HHIP: variants seen among roughly 807,000 people sequenced by gnomAD.
HHIP encodes the protein hedgehog interacting protein.
A neutral mutation model predicts 74.0 loss-of-function variants in HHIP; 12 were observed. The observed-to-expected ratio is 0.16, with a 90% CI of 0.10 to 0.26. The LOEUF is 0.26. Ranked by LOEUF, HHIP falls within the 10% of genes least tolerant of loss-of-function variation. The pLI is 1.00. For synonymous variants in HHIP, 309 were observed against 311.6 expected (o/e 0.99, Z 0.09); for missense variants, 788 against 845.0 (o/e 0.93, Z 0.84).
At chr4:144,690,546 G>A (rs768649512) in intron 4 of HHIP, among the ~76,000 whole-genome samples, 3 of 152,172 alleles carry the variant, frequency 2.0e-5, no homozygotes, top group Non-Finnish European at 4.4e-5. Flanking sequence ...AAATGCAAAT[G>A]CATCAGGATA....
chr4:144,702,601 T>C (rs748894604), intron 4 of HHIP, among the ~76,000 whole-genome samples: 6 of 152,162 alleles, frequency 3.9e-5, no homozygotes, highest in Non-Finnish European at 7.3e-5. Context: ...TGATGTAGCA[T>C]TGAAGAGCTG....
At chr4:144,736,247 C>T (rs1194513349) in intron 12 of HHIP, among the ~76,000 whole-genome samples, 1 of 150,290 alleles carries the variant, frequency 6.7e-6, no homozygotes, top group Admixed American at 6.7e-5. Context: ...GTGATTCTCC[C>T]GCCTCAGCTT....
In HHIP at chr4:144,706,619, A is replaced by G. The variant is rs377548101; in HGVS notation, c.920A>G (p.Gln307Arg). ...GKLYVSYTTNQERWAIGPHDH... is the reference protein window; with the variant it reads ...GKLYVSYTTNRERWAIGPHDH... Reference sequence around the variant, plus strand: ...TTGTATGTGTCCTATACCACCAACCAAGAACGGTGGGCTATCGGGCCTCAT... The same window carrying G: ...TTGTATGTGTCCTATACCACCAACCGAGAACGGTGGGCTATCGGGCCTCAT... Residue 307 changes from glutamine (Q) to arginine (R), a missense_variant, in exon 5 of 13, where the codon CAA becomes CGA. By Grantham distance (43) the Gln-to-Arg change is conservative. Transcript: ENST00000296575. 1.2e-6 allele frequency: 2 copies of G among 1,613,714 alleles called. No individual in the cohort carries two copies. Among genetic ancestry groups the G allele is most frequent in the African/African-American group, 2.7e-5 (2 of 74,930 alleles).
At chr4:144,647,116 C>T (rs1728288744) in intron 1 of HHIP, 162 bp downstream of exon 1, 11 of 595,146 alleles carry the variant, frequency 1.8e-5, no homozygotes, top group Non-Finnish European at 3.1e-5. Flanking sequence ...TTGTGTGTTC[C>T]TCTGGGGTAA....
chr4:144,706,755 A>G (rs761407581), intron 5 of HHIP, 73 bp downstream of exon 5: 212 of 1,416,832 alleles, frequency 1.5e-4, no homozygotes, highest in Non-Finnish European at 1.8e-4. Flanking sequence ...AAGTTTTTTT[A>G]TTTAGAAGTT....
At position 144,743,021 on chromosome 4, in the gene HHIP, TA is replaced by T. The variant is rs1195930043; in HGVS notation, c.*5066del. The T allele has an allele frequency of 1.1e-5, 1 of 91,210 alleles. No homozygotes were observed. The highest frequency in any genetic ancestry group is 4.0e-5 in the African/African-American group (1 of 25,234). 5.7% of individuals were successfully genotyped at this position (91,210 alleles called of 1,614,324 possible). On this transcript the variant is annotated 3_prime_UTR_variant, in exon 13 of 13. Transcript: ENST00000296575. Reference sequence around the variant, plus strand: ...ATAATATATATATATTATATATATATAATATATATCTTATATATATATATAT... The same window carrying T: ...ATAATATATATATATTATATATATATATATATATCTTATATATATATATAT...
intron 11 of HHIP, among the ~76,000 whole-genome samples, chr4:144,724,664 G>GTGTATATATATATATTTATATATATATA (rs1730742121): frequency 8.2e-6 from 1 of 122,364 alleles, no homozygotes; most frequent in Admixed American, 9.8e-5. Context: ...GTGTGTGTGT[G>GTGTATATATATATATTTATATATATATA]TGTGTATATA....
chr4:144,665,990 C>T (rs886901482), intron 4 of HHIP, among the ~76,000 whole-genome samples: 1 of 152,040 alleles, frequency 6.6e-6, no homozygotes. Flanking sequence ...AGTGAAAAAC[C>T]GGGAAATCTG....
chr4:144,677,998 CT>C (rs1729217931), intron 4 of HHIP, among the ~76,000 whole-genome samples: 1 of 152,256 alleles, frequency 6.6e-6, no homozygotes, highest in Non-Finnish European at 1.5e-5. Flanking sequence ...GTCAAAAAGA[CT>C]GACTTAGTAA....
intron 11 of HHIP, among the ~76,000 whole-genome samples, chr4:144,731,164 C>T (rs1297569884): frequency 6.6e-6 from 1 of 152,190 alleles, no homozygotes; most frequent in East Asian, 1.9e-4. Flanking sequence ...ATATCCCTCC[C>T]CTGAATGGCC....
At chr4:144,707,730 C>T (rs554412147) in intron 6 of HHIP, among the ~76,000 whole-genome samples, 8 of 145,028 alleles carry the variant, frequency 5.5e-5, no homozygotes, top group South Asian at 2.3e-4. Context: ...TTGTCTGGAA[C>T]GGCCCAGTTT....
chr4:144,706,480 T>C (rs368893463), intron 4 of HHIP, 51 bp from the exon 5 acceptor site: 3 of 1,446,760 alleles, frequency 2.1e-6, no homozygotes, highest in Non-Finnish European at 2.8e-6. Context: ...TGAAACACAA[T>C]AAAGAACATA....
chr4:144,696,413 G>C (rs551075886), intron 4 of HHIP, among the ~76,000 whole-genome samples: 3 of 151,782 alleles, frequency 2.0e-5, no homozygotes, highest in Non-Finnish European at 4.4e-5. Context: ...TTAATTTAAA[G>C]TAATATATAT....
At chr4:144,725,845 T>C (rs1560721744) in intron 11 of HHIP, among the ~76,000 whole-genome samples, 4 of 152,098 alleles carry the variant, frequency 2.6e-5, no homozygotes, top group Non-Finnish European at 5.9e-5. Flanking sequence ...ATTTTTTGTA[T>C]TTTTTGTAGA....
rs377475423 is a variant in HHIP at position 144,682,771 on chromosome 4, G to A, written c.831+22933G>A. On this transcript the variant is annotated intron_variant, in intron 4 of 12. Transcript: ENST00000296575. ...AAGAACAAGTTAAAACTGTATTTACGTAGGCAAGGATGTGTGAAATATATT... is the reference window on the plus strand; with the variant it reads ...AAGAACAAGTTAAAACTGTATTTACATAGGCAAGGATGTGTGAAATATATT... Among the ~76,000 whole-genome samples, 46 of 152,306 alleles carry A rather than the reference G, an allele frequency of 3.0e-4. No homozygotes were observed. The East Asian group carries it at 5.0e-3, about 17-fold the overall frequency.
chr4:144,701,862 A>T (rs1729993475), intron 4 of HHIP, among the ~76,000 whole-genome samples: 1 of 152,234 alleles, frequency 6.6e-6, no homozygotes, highest in Non-Finnish European at 1.5e-5. Context: ...TATTTCCTGA[A>T]GGACATTAGG....
intron 11 of HHIP, among the ~76,000 whole-genome samples, chr4:144,723,244 T>C (rs1730687624): frequency 6.6e-6 from 1 of 152,146 alleles, no homozygotes. Flanking sequence ...AGTCTATAAA[T>C]TAATAATGCA....
At position 144,703,554 on chromosome 4, in the gene HHIP, T is replaced by C. The variant is rs188886759; in HGVS notation, c.832-2977T>C. On this transcript the variant is annotated intron_variant, in intron 4 of 12. Coordinates refer to ENST00000296575, the MANE Select transcript of HHIP (RefSeq NM_022475.3). ...GGGCTTTGTTTTTTTCTACTGAGCCTCTAAAGCTGGGTTATCGGATTTGGA... is the reference window on the plus strand; with the variant it reads ...GGGCTTTGTTTTTTTCTACTGAGCCCCTAAAGCTGGGTTATCGGATTTGGA... Among the ~76,000 whole-genome samples the C allele has an allele frequency of 1.4e-4, 21 of 152,292 alleles. No homozygotes were observed. In the East Asian group the frequency reaches 1.5e-3, roughly 11 times the overall value.
Position 144,738,619 on chromosome 4 carries a change from A to G in HHIP, c.*662A>G. 3 of 711,278 alleles carry G rather than the reference A, an allele frequency of 4.2e-6. No homozygotes were observed. Among genetic ancestry groups the G allele is most frequent in the Non-Finnish European group, 3.4e-6 (2 of 579,794 alleles). 44.1% of individuals were successfully genotyped at this position (711,278 alleles called of 1,614,324 possible). On this transcript the variant is annotated 3_prime_UTR_variant, in exon 13 of 13. Coordinates refer to ENST00000296575, the MANE Select transcript of HHIP (RefSeq NM_022475.3). ...ATCATAATAGCATATTTTAAAATCAATCTTCCTAAAAGGTCTGCTTTTATT... is the reference window on the plus strand; with the variant it reads ...ATCATAATAGCATATTTTAAAATCAGTCTTCCTAAAAGGTCTGCTTTTATT...
Sources: allele counts gnomAD v4.1 joint callset (sites outside exome capture counted in the v4.1 genomes callset), GRCh38; gene constraint gnomAD v4.1.1; transcripts MANE v1.5; gene names NCBI Gene and HGNC (gene_info 2026-07-23, HGNC 2026-07-21).